Variants in PTCHD4 observed in about 807,000 individuals in gnomAD.
PTCHD4 encodes the protein patched domain containing 4.
In PTCHD4, 33 loss-of-function variants were observed where a neutral mutation model predicts 58.1. The observed-to-expected ratio is 0.57, with a 90% confidence interval of 0.43 to 0.76. The LOEUF is 0.76. Ranked by LOEUF, PTCHD4 falls within the 30% of genes least tolerant of loss-of-function variation. PTCHD4 has a pLI of 0.00. For missense variants in PTCHD4, 1,058 were observed against 1,027.1 expected, an observed-to-expected ratio of 1.03 and a Z score of -0.41; for synonymous variants, 478 against 409.6, an observed-to-expected ratio of 1.17 and a Z score of -2.02.
intron 4 of PTCHD4, among the ~76,000 whole-genome samples, chr6:47,925,762 A>G (rs1425891491): frequency 1.3e-5 from 2 of 152,086 alleles, no homozygotes; most frequent in Non-Finnish European, 2.9e-5. Context: ...GCTTCTGGTC[A>G]GATGCAGTAT....
At position 47,873,293 on chromosome 6, in the gene PTCHD4, G is replaced by A. The variant is rs140859587; in HGVS notation, c.*5010C>T. On this transcript the variant is annotated 3_prime_UTR_variant, in exon 5 of 5. Coordinates refer to ENST00000339488, the MANE Select transcript of PTCHD4 (RefSeq NM_001384253.1). ...CTGTATTCTAAATCACAGAATATGT[G>A]GTATTATTCCACTTGTTCTATCACA... 1.3e-5 allele frequency among the ~76,000 whole-genome samples: 2 copies of A among 151,748 alleles called. No individual in the cohort carries two copies. The highest frequency in any genetic ancestry group is 4.8e-5 in the African/African-American group (2 of 41,474).
chr6:47,944,127 T>C (rs149709882), intron 4 of PTCHD4, among the ~76,000 whole-genome samples: 356 of 152,184 alleles, frequency 2.3e-3, no homozygotes, highest in African/African-American at 8.1e-3. Context: ...CACTGTTCTA[T>C]GTTTCTATAA....
intron 3 of PTCHD4, among the ~76,000 whole-genome samples, chr6:48,045,676 A>G (rs900149617): frequency 6.6e-6 from 1 of 151,870 alleles, no homozygotes; most frequent in African/African-American, 2.4e-5. Context: ...ATAAGAAAGC[A>G]AAGGCTTGGA....
At position 47,873,451 on chromosome 6, in the gene PTCHD4, T is replaced by A. The variant is rs4142122; in HGVS notation, c.*4852A>T. Among the ~76,000 whole-genome samples the A allele has an allele frequency of 0.67, 100,889 of 151,440 alleles. 34,108 individuals carry two copies. The highest frequency in any genetic ancestry group is 0.78 in the East Asian group (3,984 of 5,110). On this transcript the variant is annotated 3_prime_UTR_variant, in exon 5 of 5. Coordinates refer to ENST00000339488, the MANE Select transcript of PTCHD4 (RefSeq NM_001384253.1). ...AACACCACCTCTTGTGCTCCTAAGT[T>A]AAACGTGATGGTGGATTAATCTTGG...
rs995359099 is a variant in PTCHD4 at position 47,866,689 on chromosome 6, T to C, written c.*11614A>G. ...ATATTCCTCCAAACATCTTGTAATATGATTGCTGGTTTTGGGGAGCACCAC... is the reference window on the plus strand; with the variant it reads ...ATATTCCTCCAAACATCTTGTAATACGATTGCTGGTTTTGGGGAGCACCAC... On this transcript the variant is annotated 3_prime_UTR_variant, in exon 5 of 5. Coordinates refer to ENST00000339488, the MANE Select transcript of PTCHD4 (RefSeq NM_001384253.1). Among the ~76,000 whole-genome samples, 3 of 151,822 alleles carry C rather than the reference T, an allele frequency of 2.0e-5. No homozygotes were observed. Among genetic ancestry groups the C allele is most frequent in the Non-Finnish European group, 4.4e-5 (3 of 67,850 alleles).
chr6:48,082,986 A>T (rs1177051075), intron 1 of PTCHD4, among the ~76,000 whole-genome samples: 4 of 151,798 alleles, frequency 2.6e-5, no homozygotes, highest in African/African-American at 2.4e-5. Flanking sequence ...TTAATATAAA[A>T]CTGTTACTAA....
intron 4 of PTCHD4, among the ~76,000 whole-genome samples, chr6:47,885,679 T>C (rs985042321): frequency 1.3e-5 from 2 of 152,234 alleles, no homozygotes; most frequent in Admixed American, 6.5e-5. Context: ...GGTTCTTCTC[T>C]GAGAAACAGC....
At chr6:47,910,582 T>C (rs924014483) in intron 4 of PTCHD4, among the ~76,000 whole-genome samples, 2 of 152,294 alleles carry the variant, frequency 1.3e-5, no homozygotes, top group African/African-American at 4.8e-5. Flanking sequence ...CTTTTAGCTT[T>C]GGTTCTTTAA....
At position 47,875,140 on chromosome 6, in the gene PTCHD4, A is replaced by G. The variant is rs1421116115; in HGVS notation, c.*3163T>C. On this transcript the variant is annotated 3_prime_UTR_variant, in exon 5 of 5. Coordinates refer to ENST00000339488, the MANE Select transcript of PTCHD4 (RefSeq NM_001384253.1). The stretch of plus-strand genomic sequence containing the variant: ...GGCATATATGTTTCAATTAAATAAA[A>G]TATTACACAAAGCTAACATATTTCC... Among the ~76,000 whole-genome samples, 1 of 151,922 alleles carries G rather than the reference A, an allele frequency of 6.6e-6. No homozygotes were observed. Among genetic ancestry groups the G allele is most frequent in the Admixed American group, 6.6e-5 (1 of 15,220 alleles).
intron 4 of PTCHD4, among the ~76,000 whole-genome samples, chr6:47,979,289 T>C (rs777639698): frequency 2.0e-5 from 3 of 152,106 alleles, no homozygotes; most frequent in Non-Finnish European, 4.4e-5. Flanking sequence ...AAAAAGTCAA[T>C]GAGTGACACA....
Position 47,921,603 on chromosome 6 carries a change from C to T in PTCHD4, c.899-41667G>A, listed in dbSNP as rs146589288. ...ACTTCTGGGAAATTTCTTTAAGAGA[C>T]AGTGCCATGAGCTCTTTACCACTCC... On this transcript the variant is annotated intron_variant, in intron 4 of 4. Coordinates refer to ENST00000339488, the MANE Select transcript of PTCHD4 (RefSeq NM_001384253.1). 3.6e-3 allele frequency among the ~76,000 whole-genome samples: 546 copies of T among 152,156 alleles called. 5 individuals are homozygous for T. Among genetic ancestry groups the T allele is most frequent in the African/African-American group, 0.013 (525 of 41,512 alleles).
chr6:47,945,639 G>C (rs1289020682), intron 4 of PTCHD4, among the ~76,000 whole-genome samples: 1 of 151,876 alleles, frequency 6.6e-6, no homozygotes, highest in Non-Finnish European at 1.5e-5. Context: ...GAACAATCAG[G>C]TTGAATGATG....
At chr6:48,021,720 A>C (rs1763079128) in intron 3 of PTCHD4, among the ~76,000 whole-genome samples, 2 of 152,186 alleles carry the variant, frequency 1.3e-5, no homozygotes, top group African/African-American at 4.8e-5. Flanking sequence ...GTTTGGAAAC[A>C]GTACTGTCAT....
At chr6:47,992,942 G>T (rs1768335661) in intron 4 of PTCHD4, among the ~76,000 whole-genome samples, 1 of 152,128 alleles carries the variant, frequency 6.6e-6, no homozygotes, top group East Asian at 1.9e-4. Flanking sequence ...GGAATACTTG[G>T]AAAGCAGCAG....
In PTCHD4 at chr6:47,879,607, C is replaced by T. The variant is rs1357465049; in HGVS notation, c.1228G>A (p.Glu410Lys). 6.2e-7 allele frequency: 1 copy of T among 1,613,712 alleles called. No homozygotes were observed. The highest frequency in any genetic ancestry group is 2.2e-5 in the East Asian group (1 of 44,856). Residue 410 changes from glutamate (E) to lysine (K), a missense_variant, in exon 5 of 5, where the codon GAA (glutamate) becomes AAA (lysine). Glu to Lys is a moderately conservative substitution (Grantham distance 56). Transcript: ENST00000339488. ...SIFCCKIPSA[E>K]YLDRKPVWFQ... is the part of the protein sequence containing the mutation. ...CACACAGGTTTGCGATCCAGGTATTCTGCAGAAGGGATCTTACAGCAAAAG... is the reference window on the plus strand; with the variant it reads ...CACACAGGTTTGCGATCCAGGTATTTTGCAGAAGGGATCTTACAGCAAAAG...
At chr6:47,940,470 T>C (rs1766172465) in intron 4 of PTCHD4, among the ~76,000 whole-genome samples, 5 of 152,232 alleles carry the variant, frequency 3.3e-5, no homozygotes, top group Admixed American at 2.0e-4. Flanking sequence ...ATTTTGTTTT[T>C]CATCTCCAAA....
At chr6:48,033,509 T>C (rs1763523771) in intron 3 of PTCHD4, among the ~76,000 whole-genome samples, 1 of 151,494 alleles carries the variant, frequency 6.6e-6, no homozygotes. Flanking sequence ...TTTCCTTCAA[T>C]GGACTTAGTG....
intron 1 of PTCHD4, among the ~76,000 whole-genome samples, chr6:48,104,311 A>G (rs1426527991): frequency 1.3e-5 from 2 of 152,038 alleles, no homozygotes; most frequent in Non-Finnish European, 2.9e-5. Context: ...ATTCTTAAAG[A>G]AAAGAATTTT....
chr6:48,009,057 T>C lies in PTCHD4; in HGVS notation c.475A>G (p.Ser159Gly), dbSNP rs776734447. 7 of 1,613,786 alleles carry C rather than the reference T, an allele frequency of 4.3e-6. No individual in the cohort carries two copies. Among genetic ancestry groups the C allele is most frequent in the East Asian group, 2.2e-5 (1 of 44,882 alleles). The change falls in exon 4 of 5, where the codon AGC becomes GGC. Residue 159 changes from serine to glycine, a missense_variant. Coordinates refer to ENST00000339488, the MANE Select transcript of PTCHD4 (RefSeq NM_001384253.1). ...GCTGACTTGACCCGCTGATCTTTGC[T>C]GTTTGGCACTTCCACTACCCCGCCC... ...QLGGVVEVPN[S>G]KDQRVKSARA...
Sources: gnomAD v4.1 joint callset for allele counts (sites outside exome capture counted in the v4.1 genomes callset) on GRCh38, gnomAD v4.1.1 for gene constraint, MANE v1.5 for transcripts, NCBI Gene and HGNC (gene_info 2026-07-23, HGNC 2026-07-21) for gene names.